The following TRIM4 variants were observed in gnomAD, a reference collection of about 807,000 sequenced individuals.
TRIM4 encodes E3 ubiquitin-protein ligase TRIM4.
A neutral mutation model predicts 33.7 loss-of-function variants in TRIM4; 29 were observed. The ratio of observed to expected loss-of-function variants is 0.86; its 90% CI spans 0.64 to 1.17. The LOEUF is 1.17. TRIM4 is among the 50% of genes most tolerant of loss of function. The pLI is 0.00. For missense variants in TRIM4, 554 were observed against 593.7 expected (o/e 0.93, Z 0.69); for synonymous variants, 224 against 233.0 (o/e 0.96, Z 0.35).
Position 99,919,259 on chromosome 7 carries a change from G to A in TRIM4, c.143C>T (p.Pro48Leu). The change falls in exon 1 of 6, where the codon CCC becomes CTC. Residue 48 changes from proline to leucine, a missense_variant. By Grantham distance (98) the Pro-to-Leu change is moderately conservative. Coordinates refer to ENST00000349062, the MANE Select transcript of TRIM4 (RefSeq NM_033091.3). Reference protein sequence around the residue: ...RNWAPGGGPFPCPECRHPSAP... With the variant: ...RNWAPGGGPFLCPECRHPSAP... Reference sequence around the variant, plus strand: ...CGATGGGTGCCGACATTCGGGGCAGGGGAACGGGCCGCCGCCCGGCGCCCA... The same window carrying A: ...CGATGGGTGCCGACATTCGGGGCAGAGGAACGGGCCGCCGCCCGGCGCCCA... The A allele has an allele frequency of 1.3e-6, 2 of 1,544,478 alleles. No individual in the cohort carries two copies. Among genetic ancestry groups the A allele is most frequent in the South Asian group, 1.2e-5 (1 of 83,830 alleles).
At chr7:99,898,702 A>G (rs529151516) in intron 5 of TRIM4, among the ~76,000 whole-genome samples, 2 of 152,304 alleles carry the variant, frequency 1.3e-5, no homozygotes, top group African/African-American at 4.8e-5. Context: ...GTGCCATGCC[A>G]TTACTCTTCT....
intron 3 of TRIM4, 156 bp downstream of exon 3, chr7:99,908,426 G>A (rs190277184): frequency 1.2e-4 from 75 of 633,600 alleles, no homozygotes; most frequent in African/African-American, 1.2e-3. Context: ...CCTTTGAATG[G>A]TGAATCTTTG....
intron 5 of TRIM4, among the ~76,000 whole-genome samples, chr7:99,899,009 C>T (rs1475080341): frequency 6.6e-6 from 1 of 152,172 alleles, no homozygotes; most frequent in Non-Finnish European, 1.5e-5. Flanking sequence ...CATACCTTGC[C>T]TCAGGGAAGT....
intron 2 of TRIM4, among the ~76,000 whole-genome samples, 190 bp from the exon 3 acceptor site, chr7:99,909,002 TATTC>T (rs986910334): frequency 2.9e-4 from 44 of 152,346 alleles, no homozygotes; most frequent in Middle Eastern, 3.4e-3. Context: ...GTCATTATAG[TATTC>T]ATTCATTCTT....
chr7:99,911,362 C>T (rs930680575), intron 1 of TRIM4, among the ~76,000 whole-genome samples: 1 of 152,110 alleles, frequency 6.6e-6, no homozygotes, highest in Non-Finnish European at 1.5e-5. Flanking sequence ...AAGGAAGAGA[C>T]CATTTAAATT....
chr7:99,912,198 C>T (rs1227245675), intron 1 of TRIM4, among the ~76,000 whole-genome samples: 2 of 152,176 alleles, frequency 1.3e-5, no homozygotes, highest in Non-Finnish European at 2.9e-5. Context: ...AAATGTACAA[C>T]TAAGATTTGT....
chr7:99,894,500 T>TA (rs377540227), intron 5 of TRIM4, among the ~76,000 whole-genome samples: 193 of 150,306 alleles, frequency 1.3e-3, no homozygotes, highest in South Asian at 3.2e-3. Context: ...CCATCTCTAC[T>TA]AAAAAAAAAT....
chr7:99,915,337 A>G (rs1037622278), intron 1 of TRIM4, among the ~76,000 whole-genome samples: 2 of 152,166 alleles, frequency 1.3e-5, no homozygotes, highest in Admixed American at 6.5e-5. Context: ...AAATTAATTA[A>G]CAGAATGGAG....
At chr7:99,917,860 G>T in intron 1 of TRIM4, 1 of 985,390 alleles carries the variant, frequency 1.0e-6, no homozygotes, top group Non-Finnish European at 1.2e-6. Context: ...ATCAGGGAAG[G>T]TCTTCAAGCT....
chr7:99,914,023 T>C (rs1463160941), intron 1 of TRIM4, among the ~76,000 whole-genome samples: 1 of 152,192 alleles, frequency 6.6e-6, no homozygotes, highest in Admixed American at 6.5e-5. Context: ...TCACTGTAAC[T>C]TCTGCAATTG....
intron 1 of TRIM4, 63 bp from the exon 2 acceptor site, chr7:99,909,723 C>CTTTTTTTT: frequency 5.8e-6 from 4 of 692,458 alleles, no homozygotes; most frequent in South Asian, 2.3e-5. Context: ...CTTCTTTTTT[C>CTTTTTTTT]TTTTTGTTTT....
At chr7:99,912,001 C>G (rs1460348347) in intron 1 of TRIM4, among the ~76,000 whole-genome samples, 2 of 151,992 alleles carry the variant, frequency 1.3e-5, no homozygotes, top group Non-Finnish European at 2.9e-5. Flanking sequence ...AGGATCCATA[C>G]AGACAATGGA....
chr7:99,908,865 A>G, intron 2 of TRIM4, 53 bp from the exon 3 acceptor site: 2 of 1,529,470 alleles, frequency 1.3e-6, no homozygotes, highest in Non-Finnish European at 1.8e-6. Flanking sequence ...CCCAGCTACT[A>G]AATTCCTTAC....
At chr7:99,896,955 C>A (rs1819029207) in intron 5 of TRIM4, among the ~76,000 whole-genome samples, 1 of 152,212 alleles carries the variant, frequency 6.6e-6, no homozygotes, top group Non-Finnish European at 1.5e-5. Flanking sequence ...CAAGGGTGTA[C>A]CACTTACAAG....
In TRIM4 at chr7:99,919,268, C is replaced by A. The variant is rs765360048; in HGVS notation, c.134G>T (p.Gly45Val). The A allele has an allele frequency of 6.5e-7, 1 of 1,545,058 alleles. No homozygotes were observed. The highest frequency in any genetic ancestry group is 1.2e-5 in the South Asian group (1 of 83,892). The change falls in exon 1 of 6, where the codon GGC (glycine) becomes GTC (valine). Residue 45 changes from glycine (G) to valine (V), a missense_variant. By Grantham distance (109) the Gly-to-Val change is moderately radical. This residue lies in a region of TRIM4 where 233 missense variants were observed against 203.1 expected (regional missense o/e 1.15). Coordinates refer to ENST00000349062, the MANE Select transcript of TRIM4 (RefSeq NM_033091.3). ...CCGACATTCGGGGCAGGGGAACGGG[C>A]CGCCGCCCGGCGCCCAGTTGCGGTG... ...CLHRNWAPGG[G>V]PFPCPECRHP...
In TRIM4 at chr7:99,906,665, G is replaced by A. The variant is rs567913676; in HGVS notation, c.720+1917C>T. ...TCAAGAAGTTGAGAAAAGAGCTAGA[G>A]AAGAAACCCAAGGACCAATTTAAAA... is the stretch of plus-strand genomic sequence containing the variant. On this transcript the variant is annotated intron_variant, in intron 3 of 5. Coordinates refer to ENST00000349062, the MANE Select transcript of TRIM4 (RefSeq NM_033091.3). Among the ~76,000 whole-genome samples, 35 of 152,040 alleles carry A rather than the reference G, an allele frequency of 2.3e-4. 1 individual carries two copies. In the South Asian group the frequency reaches 7.1e-3, roughly 31 times the overall value.
intron 1 of TRIM4, among the ~76,000 whole-genome samples, chr7:99,914,103 G>A (rs778310599): frequency 6.6e-5 from 10 of 152,112 alleles, no homozygotes; most frequent in Admixed American, 1.3e-4. Flanking sequence ...CACTGCCACC[G>A]CTAGTTGAAG....
rs748797738 is a variant in TRIM4 at position 99,903,576 on chromosome 7, C to G, written c.743G>C (p.Arg248Thr). Residue 248 changes from arginine (R) to threonine (T), a missense_variant and splice_region_variant, in exon 4 of 6, where the codon AGG becomes ACG. Transcript: ENST00000349062. ...LLQNPKEVLT[R>T]SEIQDVNYSL... Reference sequence around the variant, plus strand: ...CCCATAAGAGAACAGGAGTGCATACCTGGTCAACACTTCTTTTGGATTCTG... The same window carrying G: ...CCCATAAGAGAACAGGAGTGCATACGTGGTCAACACTTCTTTTGGATTCTG... The G allele has an allele frequency of 1.2e-6, 2 of 1,614,182 alleles. No homozygotes were observed. The highest frequency in any genetic ancestry group is 1.7e-6 in the Non-Finnish European group (2 of 1,180,030).
At chr7:99,894,669 C>G (rs563783014) in intron 5 of TRIM4, among the ~76,000 whole-genome samples, 3 of 148,426 alleles carry the variant, frequency 2.0e-5, no homozygotes, top group South Asian at 2.2e-4. Flanking sequence ...TCCATCCCCC[C>G]CCCAAAAAAA....
Sources: allele counts gnomAD v4.1 joint callset (sites outside exome capture counted in the v4.1 genomes callset), GRCh38; gene constraint gnomAD v4.1.1; regional missense constraint gnomAD v4.1.1; transcripts MANE v1.5; gene names NCBI Gene and HGNC (gene_info 2026-07-23, HGNC 2026-07-21).